Variants in RNF217 observed in about 807,000 individuals in gnomAD.
RNF217 encodes ring finger protein 217, also known as E3 ubiquitin-protein ligase RNF217.
In RNF217, 31 loss-of-function variants were observed where a neutral mutation model predicts 57.8. That is an observed-to-expected ratio of 0.54 (90% CI 0.40 to 0.72). The LOEUF is 0.72. Ranked by LOEUF, RNF217 falls within the 30% of genes least tolerant of loss-of-function variation. The probability of loss-of-function intolerance (pLI) is 0.00; values close to 1 mark genes in which losing one functional copy is unlikely to be tolerated. For synonymous variants in RNF217, 313 were observed against 294.0 expected (o/e 1.06, Z -0.66); for missense variants, 696 against 708.3 (o/e 0.98, Z 0.20).
At position 125,090,571 on chromosome 6, in the gene RNF217, G is replaced by A. The variant is rs1788908465; in HGVS notation, c.*7634G>A. 6.6e-6 allele frequency: 1 copy of A among 151,572 alleles called. No individual in the cohort carries two copies. Among genetic ancestry groups the A allele is most frequent in the Non-Finnish European group, 1.5e-5 (1 of 67,724 alleles). The allele number at this position is 151,572 out of a possible 1,614,324, so 9.4% of individuals were successfully genotyped here. A position where few individuals can be genotyped will look rare whatever the true frequency, so the allele number is the denominator to read the frequency against. ...CTAAGGAATTATTGTCATCCTCTAA[G>A]TATCAGAATGTATTCCATTTTAATT... On this transcript the variant is annotated 3_prime_UTR_variant, in exon 6 of 6. Transcript: ENST00000521654.
intron 1 of RNF217, among the ~76,000 whole-genome samples, chr6:124,982,987 G>A (rs911133525): frequency 5.3e-5 from 8 of 152,084 alleles, no homozygotes; most frequent in African/African-American, 1.9e-4. Context: ...GAAAGAAAAG[G>A]GAAGAAGCAC....
intron 1 of RNF217, among the ~76,000 whole-genome samples, chr6:124,994,121 G>A (rs1354234101): frequency 2.0e-5 from 3 of 151,822 alleles, no homozygotes; most frequent in African/African-American, 7.3e-5. Flanking sequence ...TAAAATATTA[G>A]CCTAGAGAAA....
chr6:124,984,935 A>AT (rs1784320307), intron 1 of RNF217, among the ~76,000 whole-genome samples: 1 of 152,228 alleles, frequency 6.6e-6, no homozygotes. Context: ...ATAAAAGGTT[A>AT]TTATCCATAG....
chr6:124,988,842 C>T (rs1024831214), intron 1 of RNF217, among the ~76,000 whole-genome samples: 2 of 152,108 alleles, frequency 1.3e-5, no homozygotes, highest in Admixed American at 6.5e-5. Flanking sequence ...GCATTGACTC[C>T]TCAAATAAAC....
rs1251117271 is a variant in RNF217, at chr6:125,086,786, A to G, written c.*3849A>G. ...TAAACACAAGTCAGGTTACAACATG[A>G]TATCTTTAATTGTACTTTCTCTGCT... On this transcript the variant is annotated 3_prime_UTR_variant, in exon 6 of 6. Transcript: ENST00000521654. The G allele has an allele frequency of 6.6e-6, 1 of 152,100 alleles. No homozygotes were observed. The highest frequency in any genetic ancestry group is 1.5e-5 in the Non-Finnish European group (1 of 67,998). 9.4% of individuals were successfully genotyped at this position (152,100 alleles called of 1,614,324 possible).
intron 2 of RNF217, among the ~76,000 whole-genome samples, 183 bp downstream of exon 2, chr6:125,045,627 G>T (rs1355126931): frequency 6.6e-6 from 1 of 152,044 alleles, no homozygotes; most frequent in Non-Finnish European, 1.5e-5. Context: ...TGCTCTTAAG[G>T]AATTAATTAC....
intron 1 of RNF217, among the ~76,000 whole-genome samples, chr6:124,992,421 C>T (rs1784593615): frequency 1.3e-5 from 2 of 151,938 alleles, no homozygotes; most frequent in South Asian, 4.1e-4. Context: ...GGCTATAGAA[C>T]ATTGATTTTA....
At chr6:125,021,891 C>G (rs900192742) in intron 1 of RNF217, among the ~76,000 whole-genome samples, 11 of 151,796 alleles carry the variant, frequency 7.2e-5, no homozygotes, top group African/African-American at 1.2e-4. Flanking sequence ...TGCCTTCCCC[C>G]CTTTTTTTGA....
intron 1 of RNF217, among the ~76,000 whole-genome samples, chr6:125,031,105 G>A (rs915873222): frequency 1.3e-5 from 2 of 152,202 alleles, no homozygotes; most frequent in Non-Finnish European, 2.9e-5. Flanking sequence ...CTGTATGTTG[G>A]CCTCTTTCAG....
At chr6:125,049,753 G>T (rs951668428) in intron 2 of RNF217, among the ~76,000 whole-genome samples, 3 of 151,876 alleles carry the variant, frequency 2.0e-5, no homozygotes, top group Non-Finnish European at 4.4e-5. Context: ...ATTGAGAAGG[G>T]CATGGGGGAG....
At chr6:125,026,414 T>C (rs1786082681) in intron 1 of RNF217, among the ~76,000 whole-genome samples, 1 of 152,174 alleles carries the variant, frequency 6.6e-6, no homozygotes, top group Non-Finnish European at 1.5e-5. Flanking sequence ...GCCTGGCACA[T>C]ACTAAACGCT....
chr6:125,085,212 A>G lies in RNF217; in HGVS notation c.*2275A>G, dbSNP rs1439466682. On this transcript the variant is annotated 3_prime_UTR_variant, in exon 6 of 6. Coordinates refer to ENST00000521654, the MANE Select transcript of RNF217 (RefSeq NM_001286398.3). Reference sequence around the variant, plus strand: ...TCTTTAAATAACTTATCTTTTGGACATATTTTTATATTATTTGGAAAACTT... The same window carrying G: ...TCTTTAAATAACTTATCTTTTGGACGTATTTTTATATTATTTGGAAAACTT... 6.6e-6 allele frequency: 1 copy of G among 151,862 alleles called. No individual in the cohort carries two copies. Among genetic ancestry groups the G allele is most frequent in the African/African-American group, 2.4e-5 (1 of 41,416 alleles). 9.4% of individuals were successfully genotyped at this position (151,862 alleles called of 1,614,324 possible).
At chr6:124,992,934 A>G (rs572810577) in intron 1 of RNF217, among the ~76,000 whole-genome samples, 19 of 152,304 alleles carry the variant, frequency 1.2e-4, no homozygotes, top group African/African-American at 4.3e-4. Context: ...GATATCAGAA[A>G]AAGACATTGC....
At chr6:125,034,645 G>T (rs9401799) in intron 1 of RNF217, among the ~76,000 whole-genome samples, 62,810 of 151,914 alleles carry the variant, frequency 0.41, 13,873 homozygotes, top group South Asian at 0.58. Context: ...CTCCAGCTTT[G>T]TTCTTTTGGC....
At chr6:125,076,955 C>A in intron 4 of RNF217, 97 bp downstream of exon 4, 1 of 1,042,412 alleles carries the variant, frequency 9.6e-7, no homozygotes, top group Non-Finnish European at 1.5e-6. Context: ...GAGCACCTGC[C>A]ATGTGCCCAG....
Position 125,009,315 on chromosome 6 carries a change from T to C in RNF217, c.883-35896T>C, listed in dbSNP as rs562244649. The C allele has an allele frequency of 2.2e-5, 31 of 1,441,232 alleles. No individual in the cohort carries two copies. In the African/African-American group the frequency reaches 2.2e-4, roughly 10 times the overall value. The allele number at this position is 1,441,232 out of a possible 1,614,324, so 89.3% of individuals were successfully genotyped here. ...ACATAGATGAAGAAGCCACATTTATTTGTGCTGCAGGAGCCCTTGTAATCT... is the reference window on the plus strand; with the variant it reads ...ACATAGATGAAGAAGCCACATTTATCTGTGCTGCAGGAGCCCTTGTAATCT... On this transcript the variant is annotated intron_variant, in intron 1 of 5. Coordinates refer to ENST00000521654, the MANE Select transcript of RNF217 (RefSeq NM_001286398.3).
intron 1 of RNF217, among the ~76,000 whole-genome samples, chr6:124,986,675 T>C (rs1784374065): frequency 6.6e-6 from 1 of 152,206 alleles, no homozygotes; most frequent in African/African-American, 2.4e-5. Flanking sequence ...GGCAGACATT[T>C]TCTGTAAAAG....
chr6:124,988,887 C>T (rs1784451702), intron 1 of RNF217, among the ~76,000 whole-genome samples: 1 of 152,142 alleles, frequency 6.6e-6, no homozygotes, highest in African/African-American at 2.4e-5. Context: ...TGTCAGTTGA[C>T]ATGTAAAGAG....
rs566484453 is a variant in RNF217 at position 125,008,591 on chromosome 6, G to A, written c.883-36620G>A. Among the ~76,000 whole-genome samples the A allele has an allele frequency of 4.6e-5, 7 of 152,286 alleles. No homozygotes were observed. The South Asian group carries it at 1.5e-3, about 32-fold the overall frequency. On this transcript the variant is annotated intron_variant, in intron 1 of 5. Transcript: ENST00000521654. Reference sequence around the variant, plus strand: ...TGAAAAGTCTTGTGCCCTTGACAAAGTGCTGATTAGTCCTGCAAATGTAGC... The same window carrying A: ...TGAAAAGTCTTGTGCCCTTGACAAAATGCTGATTAGTCCTGCAAATGTAGC...
Sources: gnomAD v4.1 joint callset for allele counts (sites outside exome capture counted in the v4.1 genomes callset) on GRCh38, gnomAD v4.1.1 for gene constraint, MANE v1.5 for transcripts, NCBI Gene and HGNC (gene_info 2026-07-23, HGNC 2026-07-21) for gene names.